Variants in SULF2 observed in about 807,000 individuals in gnomAD.
SULF2 encodes the protein sulfatase 2, also known as extracellular sulfatase Sulf-2.
SULF2 carries 52 observed loss-of-function variants against 107.7 expected under a neutral mutation model. The observed-to-expected ratio is 0.48, with a 90% CI of 0.39 to 0.61. The LOEUF (loss-of-function observed/expected upper bound fraction) is 0.61. Among genes scored for constraint, SULF2 ranks in the 20% least tolerant of loss-of-function variants. The probability of loss-of-function intolerance (pLI) is 0.00; values close to 1 mark genes in which losing one functional copy is unlikely to be tolerated. For missense variants in SULF2, 993 were observed against 1,177.3 expected (o/e 0.84, Z 2.29); for synonymous variants, 460 against 464.3 (o/e 0.99, Z 0.12).
At chr20:47,754,461 C>T (rs540486180) in intron 2 of SULF2, among the ~76,000 whole-genome samples, 1 of 152,182 alleles carries the variant, frequency 6.6e-6, no homozygotes, top group Non-Finnish European at 1.5e-5. Context: ...CTATCATGCC[C>T]CTCCCACAAC....
rs758055623 is a variant in SULF2, at chr20:47,684,657, C to G, written c.738-76G>C. ...CTGCCTGGCCCCCGCCAGACCCGCC[C>G]GGATGAGCAGCCACCCTGTGCTGTG... On this transcript the variant is annotated intron_variant, in intron 5 of 20. Transcript: ENST00000688720. 6.7e-6 allele frequency: 10 copies of G among 1,501,978 alleles called. No individual in the cohort carries two copies. The Admixed American group carries it at 1.7e-4, about 25-fold the overall frequency. 93.0% of individuals were successfully genotyped at this position (1,501,978 alleles called of 1,614,324 possible). A position where few individuals can be genotyped will look rare whatever the true frequency, so the allele number is the denominator to read the frequency against.
chr20:47,717,925 C>T (rs2089174897), intron 3 of SULF2, among the ~76,000 whole-genome samples: 2 of 151,900 alleles, frequency 1.3e-5, no homozygotes, highest in Admixed American at 1.3e-4. Flanking sequence ...AGCGATTCTC[C>T]TGCCTCAGCC....
chr20:47,736,603 C>G, intron 3 of SULF2, 100 bp downstream of exon 3: 4 of 1,499,192 alleles, frequency 2.7e-6, no homozygotes, highest in Non-Finnish European at 3.6e-6. Flanking sequence ...TAGGGGCTAT[C>G]CAGAATCAAC....
chr20:47,706,271 G>A (rs2088734222), intron 3 of SULF2, among the ~76,000 whole-genome samples: 1 of 152,096 alleles, frequency 6.6e-6, no homozygotes. Context: ...CTCTAACGCT[G>A]CCCTCCATGC....
At chr20:47,756,244 A>G (rs1375745353) in intron 2 of SULF2, among the ~76,000 whole-genome samples, 2 of 152,148 alleles carry the variant, frequency 1.3e-5, no homozygotes, top group African/African-American at 4.8e-5. Context: ...CAGACTCCCC[A>G]TAGTTATCAA....
chr20:47,783,568 C>CA (rs2090869060), intron 1 of SULF2, among the ~76,000 whole-genome samples: 1 of 152,188 alleles, frequency 6.6e-6, no homozygotes, highest in Non-Finnish European at 1.5e-5. Flanking sequence ...ACAGTCAACT[C>CA]ATCACTCTAC....
chr20:47,672,501 C>A (rs1479061376), intron 10 of SULF2, 108 bp from the exon 11 acceptor site: 4 of 1,443,638 alleles, frequency 2.8e-6, no homozygotes. Flanking sequence ...CTGCTTGCAT[C>A]CAGCTGTTAC....
intron 3 of SULF2, among the ~76,000 whole-genome samples, chr20:47,711,247 C>T (rs2088918316): frequency 6.6e-6 from 1 of 152,250 alleles, no homozygotes; most frequent in South Asian, 2.1e-4. Context: ...GGTAATGTGG[C>T]AGAGTGCCCA....
At position 47,736,910 on chromosome 20, in the gene SULF2, T is replaced by C. The variant is rs755981164; in HGVS notation, c.208A>G (p.Ile70Val). The stretch of plus-strand genomic sequence containing the variant: ...AAGTGCGCCCCGCCCTGCTCCATGA[T>C]GCGCCGGGTCTTGTTCATCACCTGC... ...SMQVMNKTRR[I>V]MEQGGAHFIN... The change falls in exon 3 of 21, where the codon ATC becomes GTC. Residue 70 changes from isoleucine to valine, a missense_variant. By Grantham distance (29) the Ile-to-Val change is conservative. Transcript: ENST00000688720. 2 of 1,614,116 alleles carry C rather than the reference T, an allele frequency of 1.2e-6. No individual in the cohort carries two copies. The highest frequency in any genetic ancestry group is 2.2e-5 in the South Asian group (2 of 91,096).
At chr20:47,729,459 C>A (rs1165615017) in intron 3 of SULF2, among the ~76,000 whole-genome samples, 1 of 152,178 alleles carries the variant, frequency 6.6e-6, no homozygotes, top group East Asian at 1.9e-4. Context: ...CAGGAGAAAC[C>A]TGGAACAGGG....
chr20:47,694,478 T>A lies in SULF2; in HGVS notation c.568-4183A>T, dbSNP rs558210119. Among the ~76,000 whole-genome samples, 3 of 152,246 alleles carry A rather than the reference T, an allele frequency of 2.0e-5. No homozygotes were observed. Among genetic ancestry groups the A allele is most frequent in the Admixed American group, 6.5e-5 (1 of 15,306 alleles). ...CAGACCTGTGAGCAGGAGGGTGAGA[T>A]GGGTGGAGGTCCACAGGCCCAGGTG... On this transcript the variant is annotated intron_variant, in intron 4 of 20. Transcript: ENST00000688720. The surrounding 1 kb of genome is among the most constrained non-coding windows in gnomAD (Gnocchi z 4.4).
intron 1 of SULF2, among the ~76,000 whole-genome samples, chr20:47,769,003 C>T (rs779342481): frequency 1.3e-5 from 2 of 151,346 alleles, no homozygotes; most frequent in Non-Finnish European, 2.9e-5. Context: ...GCCTCAGCCT[C>T]CTGAGTAGCT....
At chr20:47,725,958 G>A (rs147718948) in intron 3 of SULF2, among the ~76,000 whole-genome samples, 89 of 152,300 alleles carry the variant, frequency 5.8e-4, no homozygotes, top group African/African-American at 1.9e-3. Flanking sequence ...TCTGCTGCTC[G>A]GAGAACAGGA....
At chr20:47,770,285 TC>T (rs1156652043) in intron 1 of SULF2, among the ~76,000 whole-genome samples, 1 of 151,984 alleles carries the variant, frequency 6.6e-6, no homozygotes, top group East Asian at 1.9e-4. Flanking sequence ...GGTGTTGAAC[TC>T]CTGGACTCAA....
intron 3 of SULF2, among the ~76,000 whole-genome samples, chr20:47,723,048 C>CA (rs1201858953): frequency 2.4e-4 from 37 of 151,902 alleles, no homozygotes; most frequent in African/African-American, 8.9e-4. Context: ...GGCTGGGCGA[C>CA]AGAGCAAGAC....
At chr20:47,769,840 G>C (rs4810684) in intron 1 of SULF2, among the ~76,000 whole-genome samples, 53,973 of 151,822 alleles carry the variant, frequency 0.36, 10,320 homozygotes, top group African/African-American at 0.51. Flanking sequence ...AGGCCTGAGA[G>C]ATGACAGTTG....
rs1568785905 is a variant in SULF2, at chr20:47,666,674, G to T, written c.1577-186C>A. Among the ~76,000 whole-genome samples, 1 of 152,196 alleles carries T rather than the reference G, an allele frequency of 6.6e-6. No individual in the cohort carries two copies. Among genetic ancestry groups the T allele is most frequent in the African/African-American group, 2.4e-5 (1 of 41,438 alleles). ...ATCCTGGACCGCAGGGGAGGGCCTC[G>T]AGGTGATCACACCGGCAAGACGGAA... is the stretch of plus-strand genomic sequence containing the variant. On this transcript the variant is annotated intron_variant, in intron 11 of 20. Transcript: ENST00000688720. The surrounding 1 kb of genome is among the most constrained non-coding windows in gnomAD (Gnocchi z 5.4).
In SULF2 at chr20:47,678,529, A is replaced by ACCATGCTTCTCTCCCACC; in HGVS notation, c.1193+146_1193+147insGGTGGGAGAGAAGCATGG. On this transcript the variant is annotated intron_variant, in intron 8 of 20. Coordinates refer to ENST00000688720, the MANE Select transcript of SULF2 (RefSeq NM_001387048.1). The surrounding 1 kb of genome is among the most constrained non-coding windows in gnomAD (Gnocchi z 4.5). Reference sequence around the variant, plus strand: ...AGAGGGGACCATGCTTCTCTCCCACAGCAGGTAAGTGGTTGGCATGGCGGG... The same window carrying ACCATGCTTCTCTCCCACC: ...AGAGGGGACCATGCTTCTCTCCCACACCATGCTTCTCTCCCACCGCAGGTAAGTGGTTGGCATGGCGGG... The ACCATGCTTCTCTCCCACC allele has an allele frequency of 2.7e-6, 2 of 748,534 alleles. No homozygotes were observed. Among genetic ancestry groups the ACCATGCTTCTCTCCCACC allele is most frequent in the Non-Finnish European group, 4.1e-6 (2 of 487,312 alleles). 46.4% of individuals were successfully genotyped at this position (748,534 alleles called of 1,614,324 possible). A position where few individuals can be genotyped will look rare whatever the true frequency, so the allele number is the denominator to read the frequency against.
At position 47,716,883 on chromosome 20, in the gene SULF2, G is replaced by A. The variant is rs552509043; in HGVS notation, c.416-14213C>T. Among the ~76,000 whole-genome samples the A allele has an allele frequency of 4.4e-4, 67 of 152,254 alleles. No individual in the cohort carries two copies. The South Asian group carries it at 8.3e-3, about 19-fold the overall frequency. On this transcript the variant is annotated intron_variant, in intron 3 of 20. Coordinates refer to ENST00000688720, the MANE Select transcript of SULF2 (RefSeq NM_001387048.1). ...AATATAGCCAGTCGTGGTGGTGTGTGCCTGTATTCCCAGCTACTCGAGAGG... is the reference window on the plus strand; with the variant it reads ...AATATAGCCAGTCGTGGTGGTGTGTACCTGTATTCCCAGCTACTCGAGAGG...
Sources: allele counts gnomAD v4.1 joint callset (sites outside exome capture counted in the v4.1 genomes callset), GRCh38; gene constraint gnomAD v4.1.1; non-coding constraint Gnocchi (gnomAD v3.1); transcripts MANE v1.5; gene names NCBI Gene and HGNC (gene_info 2026-07-23, HGNC 2026-07-21).